DCDC2B: variants seen among roughly 807,000 people sequenced by gnomAD.
DCDC2B encodes the protein doublecortin domain containing 2B, also known as doublecortin domain-containing protein 2B.
DCDC2B carries 41 observed loss-of-function variants against 38.9 expected under a neutral mutation model. The observed-to-expected ratio is 1.05, with a 90% CI of 0.82 to 1.37. DCDC2B has a LOEUF of 1.37. Ranked by LOEUF, DCDC2B falls within the 40% of genes most tolerant of loss-of-function variation. The probability of loss-of-function intolerance (pLI) is 0.00; values close to 1 mark genes in which losing one functional copy is unlikely to be tolerated. For missense variants in DCDC2B, 453 were observed against 427.2 expected (o/e 1.06, Z -0.53); for synonymous variants, 181 against 171.9 (o/e 1.05, Z -0.41).
In DCDC2B at chr1:32,212,515, C is replaced by CT. The variant is rs1420583531; in HGVS notation, c.554dup (p.Ser186ValfsTer19). The CT allele has an allele frequency of 6.2e-7, 1 of 1,614,056 alleles. No homozygotes were observed. The highest frequency in any genetic ancestry group is 8.5e-7 in the Non-Finnish European group (1 of 1,179,894). On this transcript the variant is annotated frameshift_variant, in exon 5 of 9. Transcript: ENST00000409358. LOFTEE classifies it high-confidence loss of function. ...ACTCTGCACCCTAGAGGGGCTCCCACTGTCAGCAGGGAAGGAGCTGGTAAC... is the reference window on the plus strand; with the variant it reads ...ACTCTGCACCCTAGAGGGGCTCCCACTTGTCAGCAGGGAAGGAGCTGGTAAC...
chr1:32,215,937 T>G lies in DCDC2B; in HGVS notation c.*40T>G. 6.7e-7 allele frequency: 1 copy of G among 1,489,636 alleles called. No individual in the cohort carries two copies. The highest frequency in any genetic ancestry group is 9.2e-7 in the Non-Finnish European group (1 of 1,092,600). The allele number at this position is 1,489,636 out of a possible 1,614,324, so 92.3% of individuals were successfully genotyped here. A position where few individuals can be genotyped will look rare whatever the true frequency, so the allele number is the denominator to read the frequency against. ...AGAGGGCAACTGGGGACCACTACTCTGGCCACCTTTTGTCCTTAGCCTCCA... is the reference window on the plus strand; with the variant it reads ...AGAGGGCAACTGGGGACCACTACTCGGGCCACCTTTTGTCCTTAGCCTCCA... On this transcript the variant is annotated 3_prime_UTR_variant, in exon 9 of 9. Coordinates refer to ENST00000409358, the MANE Select transcript of DCDC2B (RefSeq NM_001099434.2).
chr1:32,211,648 G>A (rs1220900897), intron 2 of DCDC2B, 113 bp from the exon 3 acceptor site: 7 of 1,057,274 alleles, frequency 6.6e-6, no homozygotes, highest in East Asian at 2.6e-5. Context: ...ACTCCTCCTC[G>A]CCCCCTTCCT....
intron 7 of DCDC2B, 104 bp from the exon 8 acceptor site, chr1:32,215,336 G>A (rs1638292723): frequency 2.0e-6 from 2 of 980,936 alleles, no homozygotes; most frequent in South Asian, 1.7e-5. Context: ...GGGGAATGCA[G>A]AACCAGGTTC....
chr1:32,212,455 T>C, intron 4 of DCDC2B, 35 bp from the exon 5 acceptor site: 2 of 1,610,114 alleles, frequency 1.2e-6, no homozygotes, highest in African/African-American at 2.7e-5. Flanking sequence ...GCATCGAGTC[T>C]ACCAGCCCTT....
chr1:32,215,517 A>C lies in DCDC2B; in HGVS notation c.928A>C (p.Thr310Pro), dbSNP rs774227457. ...CCTGGAAGTAGCAGATGATGAAGACACTCAGACAGAGGAGCCCTTGGATCA... is the reference window on the plus strand; with the variant it reads ...CCTGGAAGTAGCAGATGATGAAGACCCTCAGACAGAGGAGCCCTTGGATCA... ...GALEVADDED[T>P]QTEEPLDQRA... The change falls in exon 8 of 9, where the codon ACT becomes CCT. Residue 310 changes from threonine (T) to proline (P), a missense_variant. Thr to Pro is a conservative substitution (Grantham distance 38, BLOSUM62 -1). Transcript: ENST00000409358. 73 of 1,613,602 alleles carry C rather than the reference A, an allele frequency of 4.5e-5. No homozygotes were observed. In the Middle Eastern group the frequency reaches 6.6e-4, roughly 15 times the overall value.
intron 1 of DCDC2B, 26 bp from the exon 2 acceptor site, chr1:32,211,246 G>T: frequency 6.2e-7 from 1 of 1,612,212 alleles, no homozygotes; most frequent in South Asian, 1.1e-5. Flanking sequence ...TCCACAAGAT[G>T]ACCTGTGATC....
At chr1:32,209,467 C>T (rs917860954) in intron 1 of DCDC2B, 108 bp downstream of exon 1, 11 of 1,485,792 alleles carry the variant, frequency 7.4e-6, no homozygotes, top group Non-Finnish European at 9.1e-6. Flanking sequence ...ACTTACTGAA[C>T]TCTATGTAGG....
At chr1:32,212,019 A>C in intron 3 of DCDC2B, 51 bp from the exon 4 acceptor site, 1 of 1,589,878 alleles carries the variant, frequency 6.3e-7, no homozygotes, top group South Asian at 1.1e-5. Flanking sequence ...CCTTCCCCTC[A>C]CATGTAGGGA....
In DCDC2B at chr1:32,215,011, A is replaced by T. The variant is rs1638260366; in HGVS notation, c.850+79A>T. 7 of 1,541,692 alleles carry T rather than the reference A, an allele frequency of 4.5e-6. No homozygotes were observed. The Middle Eastern group carries it at 5.2e-4, about 115-fold the overall frequency. The stretch of plus-strand genomic sequence containing the variant: ...AGGTTGGTCCCTGCTGTTGTTGGGG[A>T]TGTCCATGGGAGCAGAATGCTCAGA... On this transcript the variant is annotated intron_variant, in intron 7 of 8. Transcript: ENST00000409358.
chr1:32,214,696 T>C (rs974815267), intron 6 of DCDC2B, 101 bp from the exon 7 acceptor site: 11 of 1,522,176 alleles, frequency 7.2e-6, no homozygotes, highest in Non-Finnish European at 8.9e-6. Flanking sequence ...TCCTCTGCCA[T>C]GTTCCTGCAG....
At chr1:32,214,538 G>C (rs1056156259) in intron 6 of DCDC2B, 3 of 493,300 alleles carry the variant, frequency 6.1e-6, no homozygotes, top group African/African-American at 5.8e-5. Flanking sequence ...GTGAGCATGG[G>C]GCATGGTGGT....
intron 2 of DCDC2B, among the ~76,000 whole-genome samples, 162 bp from the exon 3 acceptor site, chr1:32,211,599 A>G (rs1643587004): frequency 6.6e-6 from 1 of 152,156 alleles, no homozygotes; most frequent in African/African-American, 2.4e-5. Flanking sequence ...GACTTAGGGA[A>G]CATCTAAGCA....
intron 6 of DCDC2B, among the ~76,000 whole-genome samples, chr1:32,213,897 C>T (rs960451194): frequency 1.3e-5 from 2 of 151,916 alleles, no homozygotes; most frequent in African/African-American, 4.8e-5. Context: ...GGTGATCTGC[C>T]CACCTCAGCC....
chr1:32,209,188 G>A lies in DCDC2B; in HGVS notation c.95G>A (p.Arg32His), dbSNP rs376703406. The A allele has an allele frequency of 7.3e-4, 1,172 of 1,613,986 alleles. 12 individuals carry two copies. The South Asian group carries it at 0.012, about 16-fold the overall frequency. ...PGSQLVVTQR[R>H]FPTMEAFLCE... ...TCCCAGCTGGTGGTGACTCAACGCC[G>A]CTTCCCCACCATGGAGGCCTTCCTC... Residue 32 changes from arginine to histidine, a missense_variant, in exon 1 of 9, where the codon CGC (arginine) becomes CAC (histidine). By Grantham distance (29) the Arg-to-His change is conservative (BLOSUM62 0). Transcript: ENST00000409358.
chr1:32,215,118 A>T, intron 7 of DCDC2B, 186 bp downstream of exon 7: 3 of 846,476 alleles, frequency 3.5e-6, no homozygotes, highest in Non-Finnish European at 5.3e-6. Context: ...CGTAAAAAAA[A>T]AAAAAGCTGG....
At chr1:32,212,724 CACT>C (rs1279795014) in intron 5 of DCDC2B, 27 bp from the exon 6 acceptor site, 5 of 1,613,736 alleles carry the variant, frequency 3.1e-6, no homozygotes, top group South Asian at 2.2e-5. Flanking sequence ...GCCCTCTGCC[CACT>C]ACAAGCCTTT....
At chr1:32,211,431 CA>C (rs749326336) in intron 2 of DCDC2B, 108 bp downstream of exon 2, 5 of 1,140,192 alleles carry the variant, frequency 4.4e-6, no homozygotes, top group Non-Finnish European at 6.4e-6. Flanking sequence ...CTGCCAGTTC[CA>C]GGGGGGTACT....
intron 7 of DCDC2B, 135 bp downstream of exon 7, chr1:32,215,067 AG>A (rs1262842556): frequency 2.2e-5 from 28 of 1,269,484 alleles, no homozygotes; most frequent in Non-Finnish European, 2.9e-5. Flanking sequence ...AAAAAAAAAA[AG>A]ATAAAGGAGT....
intron 7 of DCDC2B, 67 bp from the exon 8 acceptor site, chr1:32,215,373 G>A: frequency 4.5e-6 from 6 of 1,333,948 alleles, no homozygotes; most frequent in South Asian, 1.4e-5. Context: ...CTAGCATGAA[G>A]GTCCAGGGCA....
Sources: allele counts gnomAD v4.1 joint callset (sites outside exome capture counted in the v4.1 genomes callset), GRCh38; gene constraint gnomAD v4.1.1; transcripts MANE v1.5; gene names NCBI Gene and HGNC (gene_info 2026-07-23, HGNC 2026-07-21).